The following PCYT1B variants were observed in gnomAD, a reference collection of about 807,000 sequenced individuals.
The protein encoded by PCYT1B is choline-phosphate cytidylyltransferase B.
A neutral mutation model predicts 26.4 loss-of-function variants in PCYT1B; 10 were observed. That is an observed-to-expected ratio of 0.38 (90% CI 0.23 to 0.64). PCYT1B has a LOEUF of 0.64. Among genes scored for constraint, PCYT1B ranks in the 30% least tolerant of loss-of-function variants. The pLI is 0.56. For synonymous variants in PCYT1B, 131 were observed against 108.4 expected (o/e 1.21, Z -1.29); for missense variants, 161 against 292.7 (o/e 0.55, Z 3.28).
intron 1 of PCYT1B, among the ~76,000 whole-genome samples, chrX:24,626,604 A>G (rs1031101090): frequency 8.9e-6 from 1 of 112,276 alleles, no homozygotes; most frequent in Admixed American, 9.5e-5. Flanking sequence ...AGGTCTCCCA[A>G]ATGTAGCAGG....
intron 1 of PCYT1B, among the ~76,000 whole-genome samples, chrX:24,644,831 G>A (rs1926572751): frequency 8.9e-6 from 1 of 111,936 alleles, no homozygotes; most frequent in Non-Finnish European, 1.9e-5. Flanking sequence ...AGGCCAAGGT[G>A]GGCGGATCAC....
intron 1 of PCYT1B, among the ~76,000 whole-genome samples, chrX:24,627,893 T>C (rs1925930484): frequency 9.0e-6 from 1 of 111,443 alleles, no homozygotes; most frequent in South Asian, 3.8e-4. Flanking sequence ...GCTACTGGCC[T>C]GAAGAACTGG....
intron 6 of PCYT1B, among the ~76,000 whole-genome samples, chrX:24,578,220 C>T (rs1461683138): frequency 1.8e-5 from 2 of 110,993 alleles, no homozygotes; most frequent in African/African-American, 6.6e-5. Flanking sequence ...CCATCATTCT[C>T]AGCAAACTAA....
At chrX:24,653,542 C>T (rs1204813954) in intron 1 of PCYT1B, among the ~76,000 whole-genome samples, 1 of 111,733 alleles carries the variant, frequency 8.9e-6, no homozygotes, top group Non-Finnish European at 1.9e-5. Flanking sequence ...CCCTAACTCC[C>T]AGAGTCCCCC....
intron 3 of PCYT1B, among the ~76,000 whole-genome samples, chrX:24,594,963 C>T (rs576893468): frequency 8.9e-6 from 1 of 111,757 alleles, no homozygotes. Flanking sequence ...GTTATCTGGT[C>T]TTTAAAACAT....
At chrX:24,611,966 T>G (rs1925323553) in intron 2 of PCYT1B, among the ~76,000 whole-genome samples, 1 of 111,117 alleles carries the variant, frequency 9.0e-6, no homozygotes, top group Non-Finnish European at 1.9e-5. Context: ...AGAATGAAAC[T>G]TTGTCAAAAA....
intron 1 of PCYT1B, among the ~76,000 whole-genome samples, chrX:24,670,539 T>C (rs1927235540): frequency 8.9e-6 from 1 of 112,064 alleles, no homozygotes; most frequent in Non-Finnish European, 1.9e-5. Flanking sequence ...GTGAGAAAAG[T>C]ACACTGAGAA....
chrX:24,575,331 T>A lies in PCYT1B; in HGVS notation c.709-13A>T. The stretch of plus-strand genomic sequence containing the variant: ...GGTACCTCTTCTCCTGGTGAAAGTT[T>A]ACAGGAAAAAAAAAAACAGATTTAT... On this transcript the variant is annotated splice_polypyrimidine_tract_variant and intron_variant, in intron 6 of 7. Coordinates refer to ENST00000379144, the MANE Select transcript of PCYT1B (RefSeq NM_004845.5). The A allele has an allele frequency of 9.1e-7, 1 of 1,093,704 alleles. No homozygotes were observed. The highest frequency in any genetic ancestry group is 1.2e-6 in the Non-Finnish European group (1 of 827,229). The allele number at this position is 1,093,704 out of a possible 1,213,427, so 90.1% of individuals were successfully genotyped here.
chrX:24,638,172 G>A (rs776303297), intron 1 of PCYT1B, among the ~76,000 whole-genome samples: 36 of 111,616 alleles, frequency 3.2e-4, no homozygotes, highest in Non-Finnish European at 4.5e-4. Flanking sequence ...ATGAATTACC[G>A]AGTAGAAAAC....
At chrX:24,629,612 A>G (rs770254227) in intron 1 of PCYT1B, among the ~76,000 whole-genome samples, 3 of 95,909 alleles carry the variant, frequency 3.1e-5, no homozygotes, top group Non-Finnish European at 6.2e-5. Context: ...TTCCAACTTT[A>G]TTTAGAGTTC....
In PCYT1B at chrX:24,619,063, A is replaced by G. The variant is rs1444116994; in HGVS notation, c.139T>C (p.Phe47Leu). Residue 47 changes from phenylalanine to leucine, a missense_variant, in exon 2 of 8, where the codon TTT becomes CTT. Phe to Leu is a conservative substitution (Grantham distance 22). Transcript: ENST00000379144. ...PRLTLTAPAP[F>L]ADETNCQCQA... ...CACTGGCAGTTGGTTTCATCAGCAA[A>G]TGGGGCAGGTGCAGTCAGGGTCTAG... is the stretch of plus-strand genomic sequence containing the variant. 3 of 1,192,143 alleles carry G rather than the reference A, an allele frequency of 2.5e-6. No homozygotes were observed. In the African/African-American group the frequency reaches 5.2e-5, roughly 21 times the overall value.
At chrX:24,627,201 G>A (rs549655465) in intron 1 of PCYT1B, among the ~76,000 whole-genome samples, 68 of 111,915 alleles carry the variant, frequency 6.1e-4, no homozygotes, top group Middle Eastern at 9.2e-3. Flanking sequence ...TGGAGGAAGC[G>A]AGCAAAAAAG....
At chrX:24,603,457 G>A (rs1925028499) in intron 3 of PCYT1B, among the ~76,000 whole-genome samples, 1 of 112,259 alleles carries the variant, frequency 8.9e-6, no homozygotes, top group Non-Finnish European at 1.9e-5. Flanking sequence ...GCTAGCTCAT[G>A]CCTGTAATCC....
chrX:24,603,702 G>C (rs958989789), intron 3 of PCYT1B, among the ~76,000 whole-genome samples: 16 of 109,351 alleles, frequency 1.5e-4, no homozygotes, highest in African/African-American at 5.0e-4. Context: ...CAGCCTGGGA[G>C]ACAGAGCAAG....
intron 1 of PCYT1B, among the ~76,000 whole-genome samples, chrX:24,669,529 T>C (rs866106576): frequency 2.3e-5 from 2 of 85,776 alleles, no homozygotes; most frequent in African/African-American, 8.8e-5. Context: ...AAAAAAAAAG[T>C]GGCTAGTGTG....
intron 7 of PCYT1B, among the ~76,000 whole-genome samples, chrX:24,570,464 G>C (rs1923790391): frequency 9.2e-6 from 1 of 109,138 alleles, no homozygotes; most frequent in Non-Finnish European, 1.9e-5. Context: ...ACGTTGGCCA[G>C]GCTGGTCTTG....
chrX:24,605,296 G>C (rs1221029698), intron 3 of PCYT1B, among the ~76,000 whole-genome samples: 1 of 111,159 alleles, frequency 9.0e-6, no homozygotes, highest in East Asian at 2.8e-4. Context: ...CTGTTGTCTT[G>C]ACTGGTGAGA....
At position 24,619,081 on chromosome X, in the gene PCYT1B, G is replaced by C. The variant is rs1263839861; in HGVS notation, c.121C>G (p.Leu41Val). 10 of 1,162,627 alleles carry C rather than the reference G, an allele frequency of 8.6e-6. No homozygotes were observed. Among genetic ancestry groups the C allele is most frequent in the Non-Finnish European group, 1.2e-5 (10 of 853,347 alleles). ...EHTCPQPRLT[L>V]TAPAPFADET... Reference sequence around the variant, plus strand: ...TCAGCAAATGGGGCAGGTGCAGTCAGGGTCTAGAAGGGAGAAAAAGAAAGG... The same window carrying C: ...TCAGCAAATGGGGCAGGTGCAGTCACGGTCTAGAAGGGAGAAAAAGAAAGG... Residue 41 changes from leucine (L) to valine (V), a missense_variant, in exon 2 of 8, where the codon CTG becomes GTG. Leu to Val is a conservative substitution (Grantham distance 32). Coordinates refer to ENST00000379144, the MANE Select transcript of PCYT1B (RefSeq NM_004845.5).
chrX:24,584,502 C>T (rs1315866028), intron 5 of PCYT1B, among the ~76,000 whole-genome samples: 2 of 111,442 alleles, frequency 1.8e-5, no homozygotes, highest in African/African-American at 6.5e-5. Context: ...AAGATTGAGA[C>T]TTGAGAATGT....
Sources: gnomAD v4.1 joint callset for allele counts (sites outside exome capture counted in the v4.1 genomes callset) on GRCh38, gnomAD v4.1.1 for gene constraint, MANE v1.5 for transcripts, NCBI Gene and HGNC (gene_info 2026-07-23, HGNC 2026-07-21) for gene names.